The following GABRG3 variants were observed in gnomAD, a reference collection of about 807,000 sequenced individuals.
The protein encoded by GABRG3 is gamma-aminobutyric acid type A receptor subunit gamma3.
A neutral mutation model predicts 48.8 loss-of-function variants in GABRG3; 25 were observed. The ratio of observed to expected loss-of-function variants is 0.51; its 90% CI spans 0.37 to 0.72. GABRG3 has a LOEUF of 0.72. GABRG3 is among the 30% of genes least tolerant of loss of function. The probability of loss-of-function intolerance (pLI) is 0.00; values close to 1 mark genes in which losing one functional copy is unlikely to be tolerated. For synonymous variants in GABRG3, 227 were observed against 217.6 expected (o/e 1.04, Z -0.38); for missense variants, 394 against 577.9 (o/e 0.68, Z 3.26).
At chr15:26,988,832 C>T (rs1022573803) in intron 2 of GABRG3, among the ~76,000 whole-genome samples, 1 of 152,142 alleles carries the variant, frequency 6.6e-6, no homozygotes, top group Non-Finnish European at 1.5e-5. Context: ...TAACTTATCA[C>T]AGTCTACCTT....
intron 6 of GABRG3, among the ~76,000 whole-genome samples, chr15:27,491,776 G>C (rs984090055): frequency 8.5e-5 from 13 of 152,262 alleles, no homozygotes; most frequent in Middle Eastern, 3.4e-3. Flanking sequence ...AAACAAAAAG[G>C]AGTCTGAGGA....
At chr15:27,337,652 G>A (rs570370112) in intron 5 of GABRG3, among the ~76,000 whole-genome samples, 22 of 152,288 alleles carry the variant, frequency 1.4e-4, no homozygotes, top group Middle Eastern at 3.4e-3. Flanking sequence ...TATCAGTCAT[G>A]TTCTTCATTC....
chr15:27,307,195 TATA>T lies in GABRG3; in HGVS notation c.271-19610_271-19608del, dbSNP rs202135141. Among the ~76,000 whole-genome samples the T allele has an allele frequency of 3.9e-4, 53 of 137,644 alleles. 7 individuals are homozygous for T. The East Asian group carries it at 6.1e-3, about 16-fold the overall frequency. 90.3% of individuals were successfully genotyped at this position (137,644 alleles called of 152,430 possible). A position where few individuals can be genotyped will look rare whatever the true frequency, so the allele number is the denominator to read the frequency against. On this transcript the variant is annotated intron_variant, in intron 3 of 9. Coordinates refer to ENST00000615808, the MANE Select transcript of GABRG3 (RefSeq NM_033223.5). ...ACATAATATATAAACATGTTTATAT[TATA>T]ATACAAACATGTTTATATATAACCA...
intron 3 of GABRG3, among the ~76,000 whole-genome samples, chr15:27,043,134 T>TC (rs1020113888): frequency 7.9e-5 from 12 of 152,220 alleles, no homozygotes; most frequent in African/African-American, 2.9e-4. Flanking sequence ...TCTAATACCC[T>TC]CCATCTCTTC....
At chr15:27,477,378 T>A (rs1215032394) in intron 5 of GABRG3, among the ~76,000 whole-genome samples, 1 of 152,072 alleles carries the variant, frequency 6.6e-6, no homozygotes, top group African/African-American at 2.4e-5. Context: ...AGAAAAACCA[T>A]GGAGACGGTA....
chr15:27,329,711 T>C (rs1406772968), intron 5 of GABRG3, among the ~76,000 whole-genome samples: 4 of 152,268 alleles, frequency 2.6e-5, no homozygotes, highest in Admixed American at 2.6e-4. Context: ...ATTTTACTTA[T>C]GGTAGATATC....
chr15:27,350,085 T>A (rs1380856791), intron 5 of GABRG3: 1 of 456,016 alleles, frequency 2.2e-6, no homozygotes, highest in Non-Finnish European at 4.4e-6. Flanking sequence ...TTAGATAAAT[T>A]GTCACTCTTA....
intron 3 of GABRG3, among the ~76,000 whole-genome samples, chr15:27,043,368 G>A (rs911057832): frequency 1.1e-4 from 17 of 152,216 alleles, no homozygotes; most frequent in African/African-American, 4.1e-4. Context: ...GGCATTGGCA[G>A]ACCAGACCAG....
intron 3 of GABRG3, among the ~76,000 whole-genome samples, chr15:27,279,595 A>T (rs1325994977): frequency 1.3e-5 from 2 of 152,010 alleles, no homozygotes; most frequent in Non-Finnish European, 2.9e-5. Flanking sequence ...CTATTTCTGG[A>T]TTCTCTACTC....
intron 3 of GABRG3, among the ~76,000 whole-genome samples, chr15:27,035,364 C>T (rs997665341): frequency 1.3e-5 from 2 of 152,158 alleles, no homozygotes; most frequent in Non-Finnish European, 2.9e-5. Context: ...TGATAAGACA[C>T]CGGATCTTTG....
chr15:27,442,368 C>A (rs546839369), intron 5 of GABRG3, among the ~76,000 whole-genome samples: 53 of 152,364 alleles, frequency 3.5e-4, no homozygotes, highest in African/African-American at 1.2e-3. Context: ...AATGCCTGGG[C>A]AGTTCTGAGG....
intron 6 of GABRG3, among the ~76,000 whole-genome samples, chr15:27,511,370 G>A (rs943638731): frequency 2.6e-5 from 4 of 152,184 alleles, no homozygotes; most frequent in Non-Finnish European, 4.4e-5. Context: ...CTCTGATAGC[G>A]AAAGGGAGGT....
At chr15:27,306,623 AATATAAACATATATTTAT>A (rs1267009515) in intron 3 of GABRG3, among the ~76,000 whole-genome samples, 1 of 120,250 alleles carries the variant, frequency 8.3e-6, no homozygotes, top group East Asian at 2.2e-4. Flanking sequence ...AAACATATAT[AATATAAACATATATTTAT>A]ATATAAACAT....
At chr15:27,243,769 G>T (rs1199682655) in intron 3 of GABRG3, among the ~76,000 whole-genome samples, 2 of 152,084 alleles carry the variant, frequency 1.3e-5, no homozygotes, top group African/African-American at 4.8e-5. Context: ...GGTTTAAAGG[G>T]CCTTAAAATG....
chr15:27,255,925 A>C (rs1890597104), intron 3 of GABRG3, among the ~76,000 whole-genome samples: 1 of 152,228 alleles, frequency 6.6e-6, no homozygotes, highest in Non-Finnish European at 1.5e-5. Flanking sequence ...TGAGTGTGGA[A>C]GGCAGAATAA....
At chr15:27,183,360 G>A (rs1887994750) in intron 3 of GABRG3, among the ~76,000 whole-genome samples, 1 of 152,198 alleles carries the variant, frequency 6.6e-6, no homozygotes, top group Admixed American at 6.5e-5. Context: ...ATGAGCTGAT[G>A]GCAGCGAAAA....
intron 3 of GABRG3, among the ~76,000 whole-genome samples, chr15:27,307,934 T>C (rs1319683550): frequency 1.5e-5 from 2 of 133,442 alleles, no homozygotes; most frequent in Non-Finnish European, 3.2e-5. Flanking sequence ...CATATGCTTG[T>C]ATATAAACAT....
At position 26,997,950 on chromosome 15, in the gene GABRG3, C is replaced by A. The variant is rs747585507; in HGVS notation, c.202+20800C>A. ...CTCTGGGTCAGGGTAACTTATTGTT[C>A]ATCCAGTATTTGGTCAGCAGTTGTG... On this transcript the variant is annotated intron_variant, in intron 2 of 9. Coordinates refer to ENST00000615808, the MANE Select transcript of GABRG3 (RefSeq NM_033223.5). Among the ~76,000 whole-genome samples the A allele has an allele frequency of 3.2e-4, 49 of 152,196 alleles. 1 individual carries two copies. Among genetic ancestry groups the A allele is most frequent in the South Asian group, 8.3e-4 (4 of 4,832 alleles).
intron 3 of GABRG3, among the ~76,000 whole-genome samples, chr15:27,250,449 T>G (rs1252130958): frequency 6.6e-6 from 1 of 152,204 alleles, no homozygotes; most frequent in East Asian, 1.9e-4. Context: ...TGCTTTTTTT[T>G]GAAAAGGAGT....
Sources: gnomAD v4.1 joint callset for allele counts (sites outside exome capture counted in the v4.1 genomes callset) on GRCh38, gnomAD v4.1.1 for gene constraint, MANE v1.5 for transcripts, NCBI Gene and HGNC (gene_info 2026-07-23, HGNC 2026-07-21) for gene names.